PITPNC1: variants seen among roughly 807,000 people sequenced by gnomAD.
The protein encoded by PITPNC1 is cytoplasmic phosphatidylinositol transfer protein 1.
In PITPNC1, 18 loss-of-function variants were observed where a neutral mutation model predicts 44.7. The observed-to-expected ratio is 0.40, with a 90% CI of 0.28 to 0.60. PITPNC1 has a LOEUF of 0.60. Ranked by LOEUF, PITPNC1 falls within the 20% of genes least tolerant of loss-of-function variation. PITPNC1 has a pLI of 0.39. For missense variants in PITPNC1, 290 were observed against 418.4 expected (o/e 0.69, Z 2.68); for synonymous variants, 141 against 149.6 (o/e 0.94, Z 0.42).
chr17:67,605,149 T>A (rs2041592912), intron 5 of PITPNC1, among the ~76,000 whole-genome samples: 1 of 152,308 alleles, frequency 6.6e-6, no homozygotes, highest in Admixed American at 6.5e-5. Context: ...CAGGGGCTCC[T>A]TGGCAGGAGC....
At chr17:67,383,574 G>C (rs796383144) in intron 1 of PITPNC1, among the ~76,000 whole-genome samples, 2 of 152,116 alleles carry the variant, frequency 1.3e-5, no homozygotes, top group Admixed American at 1.3e-4. Flanking sequence ...CCCAGTGAGC[G>C]ACCTGCTCAC....
At chr17:67,651,097 C>T (rs2042204366) in intron 6 of PITPNC1, among the ~76,000 whole-genome samples, 1 of 152,094 alleles carries the variant, frequency 6.6e-6, no homozygotes, top group South Asian at 2.1e-4. Context: ...GCATGATTTG[C>T]ATTTAGGGTT....
rs1198730048 is a variant in PITPNC1, at chr17:67,694,902, A to T, written c.*2014A>T. 6.6e-6 allele frequency: 1 copy of T among 152,190 alleles called. No homozygotes were observed. Among genetic ancestry groups the T allele is most frequent in the African/African-American group, 2.4e-5 (1 of 41,446 alleles). 9.4% of individuals were successfully genotyped at this position (152,190 alleles called of 1,614,324 possible). A position where few individuals can be genotyped will look rare whatever the true frequency, so the allele number is the denominator to read the frequency against. On this transcript the variant is annotated 3_prime_UTR_variant, in exon 9 of 9. Transcript: ENST00000581322. The stretch of plus-strand genomic sequence containing the variant: ...GAAATAGTATATGTATTTGCTTACC[A>T]TTTGCAAGCTAAAATCAAGGTGGGA...
chr17:67,407,566 G>A (rs1468420238), intron 1 of PITPNC1, among the ~76,000 whole-genome samples: 3 of 152,088 alleles, frequency 2.0e-5, no homozygotes, highest in African/African-American at 4.8e-5. Flanking sequence ...ACTTTGGGGG[G>A]CTGAGGTGGG....
At chr17:67,435,486 C>A (rs1413117537) in intron 1 of PITPNC1, among the ~76,000 whole-genome samples, 3 of 152,196 alleles carry the variant, frequency 2.0e-5, no homozygotes, top group Non-Finnish European at 2.9e-5. Context: ...ACCAATGAGA[C>A]AAACTCCTGC....
chr17:67,590,812 G>A (rs1048474730), intron 5 of PITPNC1, among the ~76,000 whole-genome samples: 24 of 152,200 alleles, frequency 1.6e-4, no homozygotes, highest in Non-Finnish European at 2.5e-4. Flanking sequence ...GATTAGCCGG[G>A]CGTGGTGGTG....
At chr17:67,411,039 G>A (rs1413956698) in intron 1 of PITPNC1, among the ~76,000 whole-genome samples, 3 of 149,060 alleles carry the variant, frequency 2.0e-5, no homozygotes, top group East Asian at 2.0e-4. Flanking sequence ...CCGAGATTGC[G>A]CCACTGCACT....
In PITPNC1 at chr17:67,692,555, T is replaced by C. The variant is rs1416555641; in HGVS notation, c.683-17T>C. 4 of 1,585,542 alleles carry C rather than the reference T, an allele frequency of 2.5e-6. No individual in the cohort carries two copies. Among genetic ancestry groups the C allele is most frequent in the Non-Finnish European group, 3.5e-6 (4 of 1,156,622 alleles). On this transcript the variant is annotated splice_polypyrimidine_tract_variant and intron_variant, in intron 8 of 8. Transcript: ENST00000581322. ...ATAAATAACTGCTCGTTTTTCTTTCTGTTTTTCTCCTTGAAGACATGACAA... is the reference window on the plus strand; with the variant it reads ...ATAAATAACTGCTCGTTTTTCTTTCCGTTTTTCTCCTTGAAGACATGACAA...
At chr17:67,402,827 C>T (rs2038338348) in intron 1 of PITPNC1, among the ~76,000 whole-genome samples, 1 of 152,008 alleles carries the variant, frequency 6.6e-6, no homozygotes, top group Admixed American at 6.6e-5. Flanking sequence ...CCACCATGCC[C>T]GGCTAATTTT....
At chr17:67,467,168 C>A (rs1032119750) in intron 1 of PITPNC1, among the ~76,000 whole-genome samples, 2 of 150,364 alleles carry the variant, frequency 1.3e-5, no homozygotes, top group Non-Finnish European at 3.0e-5. Context: ...GCCTCAGCCT[C>A]CCAAGTAGCT....
chr17:67,618,829 C>A (rs527618214), intron 5 of PITPNC1, among the ~76,000 whole-genome samples: 6 of 151,976 alleles, frequency 3.9e-5, no homozygotes, highest in Non-Finnish European at 8.8e-5. Context: ...GAGGCCGAGA[C>A]GGGCAGGATC....
intron 2 of PITPNC1, among the ~76,000 whole-genome samples, chr17:67,542,793 T>C (rs1213632032): frequency 2.0e-5 from 3 of 152,210 alleles, no homozygotes; most frequent in African/African-American, 7.2e-5. Flanking sequence ...AACTGCCTTA[T>C]TGATTACCTA....
intron 1 of PITPNC1, among the ~76,000 whole-genome samples, chr17:67,500,362 A>G (rs2040009552): frequency 1.3e-5 from 2 of 152,234 alleles, no homozygotes; most frequent in African/African-American, 4.8e-5. Context: ...TGGATGGACC[A>G]TGAAAACATC....
intron 5 of PITPNC1, among the ~76,000 whole-genome samples, chr17:67,586,976 T>C (rs1293010748): frequency 1.3e-5 from 2 of 152,102 alleles, no homozygotes; most frequent in Non-Finnish European, 2.9e-5. Context: ...CAGAGTGACT[T>C]TCTGTTAGAA....
At chr17:67,446,016 G>A (rs972211407) in intron 1 of PITPNC1, among the ~76,000 whole-genome samples, 6 of 151,606 alleles carry the variant, frequency 4.0e-5, no homozygotes, top group Non-Finnish European at 7.4e-5. Context: ...GCACAATCTC[G>A]GCTCACTGCA....
chr17:67,540,314 A>T (rs1486759903), intron 2 of PITPNC1, among the ~76,000 whole-genome samples: 2 of 152,094 alleles, frequency 1.3e-5, no homozygotes, highest in East Asian at 3.9e-4. Context: ...CATGTTGGGC[A>T]GGCTGGTTTC....
At chr17:67,691,207 G>A (rs945416687) in intron 8 of PITPNC1, among the ~76,000 whole-genome samples, 2 of 152,094 alleles carry the variant, frequency 1.3e-5, no homozygotes, top group Non-Finnish European at 2.9e-5. Flanking sequence ...CCCTGAGAAG[G>A]AACTAAGGAA....
intron 2 of PITPNC1, among the ~76,000 whole-genome samples, chr17:67,540,443 T>A (rs990919878): frequency 6.6e-6 from 1 of 152,028 alleles, no homozygotes; most frequent in Admixed American, 6.6e-5. Context: ...ATCACAAATA[T>A]GGGGAAATGT....
At chr17:67,447,600 C>T (rs990725963) in intron 1 of PITPNC1, among the ~76,000 whole-genome samples, 1 of 151,712 alleles carries the variant, frequency 6.6e-6, no homozygotes, top group South Asian at 2.1e-4. Context: ...CTCCTGGGCC[C>T]AAGTGATCCT....
Sources: allele counts gnomAD v4.1 joint callset (sites outside exome capture counted in the v4.1 genomes callset), GRCh38; gene constraint gnomAD v4.1.1; transcripts MANE v1.5; gene names NCBI Gene and HGNC (gene_info 2026-07-23, HGNC 2026-07-21).